CDH12: variants seen among roughly 807,000 people sequenced by gnomAD.
CDH12 encodes the protein cadherin-12.
Under a neutral mutation model 74.1 loss-of-function variants are expected in CDH12, and 41 were observed. The observed-to-expected ratio is 0.55, with a 90% CI of 0.43 to 0.72. The LOEUF (loss-of-function observed/expected upper bound fraction) is 0.72. Ranked by LOEUF, CDH12 falls within the 30% of genes least tolerant of loss-of-function variation. The probability of loss-of-function intolerance (pLI) is 0.00; values close to 1 mark genes in which losing one functional copy is unlikely to be tolerated. For missense variants in CDH12, 945 were observed against 977.2 expected (o/e 0.97, Z 0.44); for synonymous variants, 399 against 355.0 (o/e 1.12, Z -1.39).
chr5:22,311,237 A>C (rs917639249), intron 3 of CDH12, among the ~76,000 whole-genome samples: 1 of 152,190 alleles, frequency 6.6e-6, no homozygotes. Flanking sequence ...TCTGATTAGG[A>C]GCAATTACAA....
chr5:22,154,576 T>C (rs1395002715), intron 4 of CDH12, among the ~76,000 whole-genome samples: 1 of 149,872 alleles, frequency 6.7e-6, no homozygotes, highest in Non-Finnish European at 1.5e-5. Flanking sequence ...CATATGTATA[T>C]ATGTATATGT....
chr5:21,903,828 T>C (rs1229337408), intron 6 of CDH12, among the ~76,000 whole-genome samples: 1 of 151,822 alleles, frequency 6.6e-6, no homozygotes, highest in Non-Finnish European at 1.5e-5. Context: ...AGATGGAAAG[T>C]AGGAGCCAAA....
chr5:22,261,221 C>G (rs1040678435), intron 3 of CDH12, among the ~76,000 whole-genome samples: 1 of 151,548 alleles, frequency 6.6e-6, no homozygotes, highest in African/African-American at 2.4e-5. Context: ...TTACATATTA[C>G]TCGTTCACAA....
chr5:21,885,421 T>A (rs1752575543), intron 6 of CDH12, among the ~76,000 whole-genome samples: 1 of 152,106 alleles, frequency 6.6e-6, no homozygotes, highest in Non-Finnish European at 1.5e-5. Context: ...AGAGAAATGG[T>A]TATATGCCTG....
chr5:22,609,178 T>C (rs1737271331), intron 1 of CDH12, among the ~76,000 whole-genome samples: 1 of 152,194 alleles, frequency 6.6e-6, no homozygotes, highest in African/African-American at 2.4e-5. Flanking sequence ...TAATGGTCTT[T>C]AGAGTCTCAT....
intron 3 of CDH12, among the ~76,000 whole-genome samples, chr5:22,283,304 CATATATATACACACACAGCATTTATGT>C (rs1736997275): frequency 6.9e-6 from 1 of 145,316 alleles, no homozygotes; most frequent in African/African-American, 2.5e-5. Flanking sequence ...ATAGCATTTA[CATATATATACACACACAGCATTTATGT>C]ATATATCACA....
chr5:22,447,226 T>A (rs998998728), intron 2 of CDH12, among the ~76,000 whole-genome samples: 1 of 152,126 alleles, frequency 6.6e-6, no homozygotes, highest in Non-Finnish European at 1.5e-5. Context: ...TACTTCATTG[T>A]ATTCAATTTG....
intron 6 of CDH12, among the ~76,000 whole-genome samples, chr5:21,859,291 G>A (rs1750909293): frequency 6.6e-6 from 1 of 151,922 alleles, no homozygotes; most frequent in Non-Finnish European, 1.5e-5. Context: ...AGGTGAAGGG[G>A]AAGAAAGGCA....
Position 22,762,556 on chromosome 5 carries a change from G to A in CDH12, c.-523+90502C>T, listed in dbSNP as rs958199439. Among the ~76,000 whole-genome samples, 7 of 151,978 alleles carry A rather than the reference G, an allele frequency of 4.6e-5. 1 individual carries two copies. The highest frequency in any genetic ancestry group is 1.0e-4 in the Non-Finnish European group (7 of 67,908). On this transcript the variant is annotated intron_variant, in intron 1 of 14. Coordinates refer to ENST00000382254, the MANE Select transcript of CDH12 (RefSeq NM_004061.5). Reference sequence around the variant, plus strand: ...TGTCATCAGCTTTTTTTGGAAGACAGTCATTTATAACCTTGAAAACTGTGA... The same window carrying A: ...TGTCATCAGCTTTTTTTGGAAGACAATCATTTATAACCTTGAAAACTGTGA...
At chr5:22,410,561 A>G (rs1743130951) in intron 2 of CDH12, among the ~76,000 whole-genome samples, 1 of 152,126 alleles carries the variant, frequency 6.6e-6, no homozygotes, top group Admixed American at 6.6e-5. Flanking sequence ...GATCCTAAGT[A>G]TAAAAATAGA....
intron 1 of CDH12, among the ~76,000 whole-genome samples, chr5:22,832,390 A>T (rs1219448669): frequency 6.6e-6 from 1 of 152,192 alleles, no homozygotes; most frequent in East Asian, 1.9e-4. Flanking sequence ...GTTCTGTCTC[A>T]GCAAAGTCTG....
At chr5:22,033,373 T>A (rs1174874910) in intron 5 of CDH12, among the ~76,000 whole-genome samples, 1 of 152,214 alleles carries the variant, frequency 6.6e-6, no homozygotes, top group African/African-American at 2.4e-5. Context: ...GGTTTTCCAT[T>A]ATCTCAACTT....
intron 3 of CDH12, among the ~76,000 whole-genome samples, chr5:22,228,089 A>T (rs993414305): frequency 6.6e-6 from 1 of 152,076 alleles, no homozygotes; most frequent in African/African-American, 2.4e-5. Context: ...TAAAATGAGG[A>T]TATATCAGTA....
At chr5:22,273,815 T>C (rs889316554) in intron 3 of CDH12, among the ~76,000 whole-genome samples, 1 of 152,146 alleles carries the variant, frequency 6.6e-6, no homozygotes, top group Non-Finnish European at 1.5e-5. Context: ...CGCCTACTCA[T>C]GCATCTTTCT....
intron 3 of CDH12, among the ~76,000 whole-genome samples, chr5:22,378,869 C>T (rs889501909): frequency 1.2e-4 from 18 of 151,846 alleles, no homozygotes; most frequent in Admixed American, 1.2e-3. Context: ...AGTATAATGC[C>T]TTATATATGC....
chr5:22,198,748 C>T (rs555026354), intron 4 of CDH12, among the ~76,000 whole-genome samples: 4 of 152,128 alleles, frequency 2.6e-5, no homozygotes, highest in Admixed American at 6.6e-5. Flanking sequence ...GACAAAAATG[C>T]TATCAATTCT....
intron 6 of CDH12, among the ~76,000 whole-genome samples, chr5:21,888,803 T>G (rs1056383099): frequency 6.6e-6 from 1 of 152,146 alleles, no homozygotes; most frequent in East Asian, 1.9e-4. Context: ...TTTCTAAATA[T>G]TATTGATGTG....
chr5:22,377,920 T>C (rs1271057994), intron 3 of CDH12, among the ~76,000 whole-genome samples: 4 of 152,160 alleles, frequency 2.6e-5, no homozygotes, highest in African/African-American at 9.7e-5. Context: ...TATACTAAAA[T>C]GTAACAGAAA....
chr5:22,831,351 T>TTTTG (rs1554007032), intron 1 of CDH12, among the ~76,000 whole-genome samples: 2 of 138,540 alleles, frequency 1.4e-5, no homozygotes, highest in Non-Finnish European at 3.1e-5. Flanking sequence ...GTTTTGGAGT[T>TTTTG]TGTGTGTGTG....
Sources: allele counts gnomAD v4.1 joint callset (sites outside exome capture counted in the v4.1 genomes callset), GRCh38; gene constraint gnomAD v4.1.1; transcripts MANE v1.5; gene names NCBI Gene and HGNC (gene_info 2026-07-23, HGNC 2026-07-21).